Variants in RBFOX1 observed in about 807,000 individuals in gnomAD.
The protein encoded by RBFOX1 is RNA binding protein fox-1 homolog 1.
In RBFOX1, 8 loss-of-function variants were observed where a neutral mutation model predicts 57.7. That is an observed-to-expected ratio of 0.14 (90% CI 0.08 to 0.25). The LOEUF is 0.25. Among genes scored for constraint, RBFOX1 ranks in the 10% least tolerant of loss-of-function variants. The pLI is 1.00. For missense variants in RBFOX1, 611 were observed against 548.5 expected (o/e 1.11, Z -1.14); for synonymous variants, 326 against 222.4 (o/e 1.47, Z -4.15).
chr16:6,569,607 A>C (rs1341432761), intron 2 of RBFOX1, among the ~76,000 whole-genome samples: 2 of 152,186 alleles, frequency 1.3e-5, no homozygotes, highest in African/African-American at 4.8e-5. Flanking sequence ...GGAGAAATCT[A>C]CTTTTCTGTT....
intron 2 of RBFOX1, among the ~76,000 whole-genome samples, chr16:6,380,425 TTTTTTTTTTTTTTTTTTTTTTA>T: frequency 3.8e-5 from 4 of 105,456 alleles, no homozygotes; most frequent in Non-Finnish European, 4.0e-5. Context: ...TTTTTTTTTT[TTTTTTTTTTTTTTTTTTTTTTA>T]GTAGAACTCA....
intron 3 of RBFOX1, among the ~76,000 whole-genome samples, chr16:6,810,743 A>AAGAGAACGGAGCAAGAGCAG: frequency 6.6e-6 from 1 of 152,132 alleles, no homozygotes; most frequent in East Asian, 1.9e-4. Flanking sequence ...ACAGGGCAGC[A>AAGAGAACGGAGCAAGAGCAG]AGAGAACGGA....
intron 3 of RBFOX1, among the ~76,000 whole-genome samples, chr16:7,048,118 A>G (rs1046040717): frequency 2.6e-5 from 4 of 152,060 alleles, no homozygotes; most frequent in Non-Finnish European, 5.9e-5. Context: ...ACCTCAGGTG[A>G]TCCGACCCGC....
At chr16:7,165,242 G>T (rs1293195748) in intron 4 of RBFOX1, among the ~76,000 whole-genome samples, 1 of 151,958 alleles carries the variant, frequency 6.6e-6, no homozygotes, top group East Asian at 1.9e-4. Context: ...TCGTGAGGTT[G>T]TGCATTGCTC....
At chr16:7,410,735 C>T (rs1324569728) in intron 4 of RBFOX1, among the ~76,000 whole-genome samples, 1 of 152,106 alleles carries the variant, frequency 6.6e-6, no homozygotes, top group African/African-American at 2.4e-5. Flanking sequence ...AACCCCTATC[C>T]TCCTCTCTTG....
chr16:7,275,833 G>C lies in RBFOX1; in HGVS notation c.27+223735G>C, dbSNP rs139306861. On this transcript the variant is annotated intron_variant, in intron 4 of 15. Transcript: ENST00000550418. ...TGTTGCCTAGTTTAGAGGTAGATGA[G>C]GCTGTAGATAATGTCCACTCCAACC... 2.6e-5 allele frequency among the ~76,000 whole-genome samples: 4 copies of C among 152,290 alleles called. No homozygotes were observed. In the East Asian group the frequency reaches 7.7e-4, roughly 29 times the overall value.
intron 1 of RBFOX1, among the ~76,000 whole-genome samples, chr16:6,170,366 C>G (rs771870524): frequency 5.3e-5 from 8 of 152,080 alleles, no homozygotes; most frequent in Non-Finnish European, 1.2e-4. Flanking sequence ...TTTGACAGTT[C>G]TTAGCATGTA....
chr16:5,702,083 A>G (rs1247425838), intron 3 of RBFOX1, among the ~76,000 whole-genome samples: 4 of 152,270 alleles, frequency 2.6e-5, no homozygotes, highest in South Asian at 4.1e-4. Context: ...GAGGTGGGGA[A>G]TTGGCTGGGA....
intron 1 of RBFOX1, among the ~76,000 whole-genome samples, chr16:5,241,636 C>G (rs535410363): frequency 6.6e-6 from 1 of 152,216 alleles, no homozygotes; most frequent in Non-Finnish European, 1.5e-5. Context: ...GATCTGTCAA[C>G]AGGCCCCATT....
chr16:6,175,002 C>G (rs1015797933), intron 1 of RBFOX1, among the ~76,000 whole-genome samples: 4 of 152,226 alleles, frequency 2.6e-5, no homozygotes, highest in African/African-American at 9.6e-5. Flanking sequence ...AGTCATCTCT[C>G]TTCCTCAGTT....
chr16:6,947,253 C>A (rs77820394), intron 3 of RBFOX1, among the ~76,000 whole-genome samples: 4 of 152,140 alleles, frequency 2.6e-5, no homozygotes, highest in African/African-American at 7.2e-5. Flanking sequence ...AGAAGCTCTT[C>A]TTATTTTCCT....
intron 2 of RBFOX1, among the ~76,000 whole-genome samples, chr16:5,571,704 A>G (rs1382706412): frequency 1.3e-5 from 2 of 152,208 alleles, no homozygotes; most frequent in Admixed American, 6.5e-5. Flanking sequence ...CGAGTCAAGC[A>G]GCTGACTGAC....
chr16:7,676,934 C>G, intron 14 of RBFOX1, 96 bp downstream of exon 14: 6 of 1,273,234 alleles, frequency 4.7e-6, no homozygotes, highest in East Asian at 2.4e-5. Context: ...AACTGCATGA[C>G]TGCTGGGGGA....
intron 9 of RBFOX1, among the ~76,000 whole-genome samples, chr16:7,606,426 G>A (rs767477111): frequency 6.6e-5 from 10 of 152,196 alleles, no homozygotes; most frequent in Admixed American, 1.3e-4. Flanking sequence ...CAGCCCGCAC[G>A]GATGCTTTTA....
chr16:5,570,986 A>G (rs1035581162), intron 2 of RBFOX1, among the ~76,000 whole-genome samples: 1 of 151,956 alleles, frequency 6.6e-6, no homozygotes, highest in Non-Finnish European at 1.5e-5. Flanking sequence ...TGCCTATTTT[A>G]TTTTCTTCTC....
intron 3 of RBFOX1, among the ~76,000 whole-genome samples, chr16:6,657,446 C>A (rs2098667177): frequency 6.6e-6 from 1 of 151,952 alleles, no homozygotes; most frequent in Admixed American, 6.6e-5. Flanking sequence ...CAGCTCCATC[C>A]CCCTCCCTCT....
At chr16:6,386,439 C>T (rs1341903989) in intron 2 of RBFOX1, among the ~76,000 whole-genome samples, 2 of 152,166 alleles carry the variant, frequency 1.3e-5, no homozygotes, top group Non-Finnish European at 1.5e-5. Flanking sequence ...TCTTTGTCCT[C>T]CTCCATTTGT....
intron 2 of RBFOX1, among the ~76,000 whole-genome samples, chr16:6,421,941 T>G (rs2093785066): frequency 1.2e-5 from 1 of 86,506 alleles, no homozygotes; most frequent in Admixed American, 1.2e-4. Flanking sequence ...TTTTTTTTTT[T>G]GTGGAGTCTC....
rs2059415998 is a variant in RBFOX1, at chr16:5,947,139, T to C, written c.351+79804T>C. 6.6e-6 allele frequency among the ~76,000 whole-genome samples: 1 copy of C among 152,008 alleles called. No individual in the cohort carries two copies. The highest frequency in any genetic ancestry group is 1.5e-5 in the Non-Finnish European group (1 of 67,992). ...GCTGAGGTAGGAGGATCATGTGAAC[T>C]CAGGAGGTTGAGGTTGCAGCGAGCC... On this transcript the variant is annotated intron_variant, in intron 4 of 19. Transcript: ENST00000641259. The surrounding 1 kb of genome is among the most constrained non-coding windows in gnomAD (Gnocchi z 7.2).
Sources: allele counts gnomAD v4.1 joint callset (sites outside exome capture counted in the v4.1 genomes callset), GRCh38; gene constraint gnomAD v4.1.1; non-coding constraint Gnocchi (gnomAD v3.1); transcripts MANE v1.5; gene names NCBI Gene and HGNC (gene_info 2026-07-23, HGNC 2026-07-21).